The following AKT3 variants were observed in gnomAD, a reference collection of about 807,000 sequenced individuals.
The protein encoded by AKT3 is AKT serine/threonine kinase 3, also known as RAC-gamma serine/threonine-protein kinase.
A neutral mutation model predicts 65.3 loss-of-function variants in AKT3; 15 were observed. The observed-to-expected ratio is 0.23, with a 90% CI of 0.15 to 0.35. The LOEUF is 0.35. AKT3 is among the 10% of genes least tolerant of loss of function. The pLI, the probability that AKT3 is intolerant of heterozygous loss-of-function variation, is 1.00. For synonymous variants in AKT3, 206 were observed against 183.8 expected (o/e 1.12, Z -0.98); for missense variants, 243 against 576.5 (o/e 0.42, Z 5.92).
intron 8 of AKT3, among the ~76,000 whole-genome samples, chr1:243,595,194 T>C (rs1379286744): frequency 6.6e-6 from 1 of 152,236 alleles, no homozygotes; most frequent in Non-Finnish European, 1.5e-5. Flanking sequence ...GTTACCCTAC[T>C]GAATACTCTA....
chr1:243,645,314 A>G (rs1680724639), intron 5 of AKT3, among the ~76,000 whole-genome samples: 1 of 152,204 alleles, frequency 6.6e-6, no homozygotes, highest in Non-Finnish European at 1.5e-5. Context: ...TCAATTTTCT[A>G]TTGCAATGAA....
intron 2 of AKT3, among the ~76,000 whole-genome samples, chr1:243,726,676 C>T (rs549460995): frequency 6.6e-6 from 1 of 152,220 alleles, no homozygotes; most frequent in African/African-American, 2.4e-5. Context: ...GTCAAAATAA[C>T]AGGAAGAAAA....
chr1:243,553,522 T>C (rs60899765), intron 10 of AKT3, among the ~76,000 whole-genome samples: 19,131 of 152,196 alleles, frequency 0.13, 1,269 homozygotes, highest in South Asian at 0.22. Flanking sequence ...TTTCTGGAAC[T>C]ATTTAAGAGA....
chr1:243,840,318 A>G (rs1490827342), intron 2 of AKT3, among the ~76,000 whole-genome samples: 1 of 151,978 alleles, frequency 6.6e-6, no homozygotes, highest in Non-Finnish European at 1.5e-5. Context: ...ACACACGGAC[A>G]CAAGGAGGGG....
At chr1:243,634,727 TA>T (rs1679857383) in intron 6 of AKT3, among the ~76,000 whole-genome samples, 1 of 151,888 alleles carries the variant, frequency 6.6e-6, no homozygotes, top group Non-Finnish European at 1.5e-5. Flanking sequence ...ATATTATTAA[TA>T]AAAGTTAATA....
chr1:243,649,901 T>A (rs1054936985), intron 4 of AKT3, among the ~76,000 whole-genome samples: 3 of 152,226 alleles, frequency 2.0e-5, no homozygotes, highest in Non-Finnish European at 2.9e-5. Flanking sequence ...TATGGTAGAA[T>A]GATTTATAAT....
intron 6 of AKT3, among the ~76,000 whole-genome samples, chr1:243,628,996 G>A (rs575221826): frequency 5.9e-5 from 9 of 152,228 alleles, no homozygotes; most frequent in African/African-American, 2.2e-4. Context: ...AAATGGATGT[G>A]CCAGGCATGG....
intron 6 of AKT3, among the ~76,000 whole-genome samples, chr1:243,617,629 A>G (rs1464672312): frequency 1.3e-5 from 2 of 152,152 alleles, no homozygotes; most frequent in Non-Finnish European, 2.9e-5. Flanking sequence ...CGGGGCTGTA[A>G]GGGAGAACCA....
chr1:243,493,230 G>T (rs1366735857), intron 13 of AKT3, among the ~76,000 whole-genome samples: 1 of 144,458 alleles, frequency 6.9e-6, no homozygotes, highest in Non-Finnish European at 1.5e-5. Flanking sequence ...TGGTGGGGGT[G>T]GGGGGAGGGG....
At chr1:243,581,061 C>T (rs776583459) in intron 8 of AKT3, among the ~76,000 whole-genome samples, 5 of 152,180 alleles carry the variant, frequency 3.3e-5, no homozygotes, top group Non-Finnish European at 5.9e-5. Context: ...GAAGTTTAGA[C>T]CATCCCCTAT....
chr1:243,539,834 A>C (rs915214140), intron 12 of AKT3, among the ~76,000 whole-genome samples: 1 of 152,170 alleles, frequency 6.6e-6, no homozygotes, highest in Non-Finnish European at 1.5e-5. Flanking sequence ...CCTTAGAGAG[A>C]AACTTAACTT....
intron 2 of AKT3, among the ~76,000 whole-genome samples, chr1:243,753,547 T>C (rs1297066058): frequency 6.6e-6 from 1 of 152,244 alleles, no homozygotes; most frequent in Non-Finnish European, 1.5e-5. Context: ...AAAAAACTTC[T>C]AGAATTTGGT....
At chr1:243,827,986 G>T (rs1157492940) in intron 2 of AKT3, among the ~76,000 whole-genome samples, 1 of 152,016 alleles carries the variant, frequency 6.6e-6, no homozygotes, top group African/African-American at 2.4e-5. Flanking sequence ...TTGATAGTTA[G>T]CAAGTAGCTT....
chr1:243,679,881 T>A (rs934943679), intron 3 of AKT3, among the ~76,000 whole-genome samples: 1 of 152,122 alleles, frequency 6.6e-6, no homozygotes, highest in Non-Finnish European at 1.5e-5. Context: ...AAACAGTAAA[T>A]CTGTAAATAA....
At chr1:243,582,976 AAC>A (rs1033650887) in intron 8 of AKT3, among the ~76,000 whole-genome samples, 2 of 151,554 alleles carry the variant, frequency 1.3e-5, no homozygotes, top group African/African-American at 4.8e-5. Context: ...CATCTGATAA[AAC>A]AGACTTCAAA....
chr1:243,622,064 A>G (rs574358995), intron 6 of AKT3, among the ~76,000 whole-genome samples: 2 of 152,300 alleles, frequency 1.3e-5, no homozygotes, highest in East Asian at 1.9e-4. Flanking sequence ...AAAATTTCCA[A>G]AGGCTTCCCA....
downstream of AKT3, among the ~76,000 whole-genome samples, chr1:243,495,073 G>A (rs984152337): frequency 1.3e-5 from 2 of 152,200 alleles, no homozygotes; most frequent in African/African-American, 4.8e-5. Context: ...GTGTGTAGAG[G>A]AAGTTCTCAT....
At chr1:243,506,992 G>A (rs1669709977) in intron 13 of AKT3, among the ~76,000 whole-genome samples, 1 of 152,190 alleles carries the variant, frequency 6.6e-6, no homozygotes, top group African/African-American at 2.4e-5. Context: ...AGAGAATACG[G>A]GCAGCTAAAA....
At chr1:243,730,844 G>T (rs1055322792) in intron 2 of AKT3, among the ~76,000 whole-genome samples, 2 of 152,198 alleles carry the variant, frequency 1.3e-5, no homozygotes, top group African/African-American at 4.8e-5. Context: ...ACTACGTGTG[G>T]TACGCCTGCT....
Sources: gnomAD v4.1 joint callset for allele counts (sites outside exome capture counted in the v4.1 genomes callset) on GRCh38, gnomAD v4.1.1 for gene constraint, MANE v1.5 for transcripts, NCBI Gene and HGNC (gene_info 2026-07-23, HGNC 2026-07-21) for gene names.